GTF2B: variants seen among roughly 807,000 people sequenced by gnomAD.
GTF2B encodes the protein transcription initiation factor IIB.
A neutral mutation model predicts 34.6 loss-of-function variants in GTF2B; 20 were observed. That is an observed-to-expected ratio of 0.58 (90% CI 0.41 to 0.84). The LOEUF is 0.84. Among genes scored for constraint, GTF2B ranks in the 40% least tolerant of loss-of-function variants. The probability of loss-of-function intolerance (pLI) is 0.00; values close to 1 mark genes in which losing one functional copy is unlikely to be tolerated. For missense variants in GTF2B, 237 were observed against 393.3 expected, an observed-to-expected ratio of 0.60 and a Z score of 3.36; for synonymous variants, 142 against 132.4, an observed-to-expected ratio of 1.07 and a Z score of -0.50.
At chr1:88,888,233 T>C (rs887969436) in intron 1 of GTF2B, among the ~76,000 whole-genome samples, 2 of 152,218 alleles carry the variant, frequency 1.3e-5, no homozygotes, top group African/African-American at 2.4e-5. Flanking sequence ...ACTGTTCTTA[T>C]AGTATGTAAA....
chr1:88,859,078 G>A (rs2100963397), intron 5 of GTF2B, among the ~76,000 whole-genome samples: 1 of 152,110 alleles, frequency 6.6e-6, no homozygotes, highest in East Asian at 1.9e-4. Flanking sequence ...ATATTGGCCA[G>A]GCTGGTCTTG....
chr1:88,860,299 T>A lies in GTF2B; in HGVS notation c.259-13A>T. 6.3e-7 allele frequency: 1 copy of A among 1,583,282 alleles called. No homozygotes were observed. Among genetic ancestry groups the A allele is most frequent in the Non-Finnish European group, 8.6e-7 (1 of 1,169,468 alleles). On this transcript the variant is annotated splice_polypyrimidine_tract_variant and intron_variant, in intron 3 of 6. Coordinates refer to ENST00000370500, the MANE Select transcript of GTF2B (RefSeq NM_001514.6). ...CAGCTCCTGTGCCCTATAAAACAGT[T>A]TTATAACTATGAAAAAATTTTTTGG... is the stretch of plus-strand genomic sequence containing the variant.
chr1:88,876,937 A>G (rs1469671988), intron 2 of GTF2B, among the ~76,000 whole-genome samples: 1 of 152,228 alleles, frequency 6.6e-6, no homozygotes, highest in Non-Finnish European at 1.5e-5. Context: ...CAATGGAGAC[A>G]CACAATTATA....
intron 1 of GTF2B, among the ~76,000 whole-genome samples, chr1:88,890,228 T>G (rs2100983560): frequency 6.6e-6 from 1 of 151,140 alleles, no homozygotes; most frequent in South Asian, 2.1e-4. Context: ...GTTTTCCATT[T>G]ACCTACAAGG....
intron 2 of GTF2B, among the ~76,000 whole-genome samples, chr1:88,876,370 C>T (rs1015811097): frequency 2.6e-5 from 4 of 151,898 alleles, no homozygotes; most frequent in African/African-American, 9.7e-5. Context: ...TCTTTTTCTA[C>T]AAGGTTAAAA....
At chr1:88,855,232 T>C (rs1292110376) in intron 6 of GTF2B, among the ~76,000 whole-genome samples, 1 of 152,254 alleles carries the variant, frequency 6.6e-6, no homozygotes, top group Non-Finnish European at 1.5e-5. Flanking sequence ...AAATAACTAA[T>C]GATTGGCTTT....
chr1:88,857,445 C>T lies in GTF2B; in HGVS notation c.578G>A (p.Arg193Gln). The part of the protein sequence containing the change: ...VSRISKKEIG[R>Q]CFKLILKALE... ...CGCTTTCAAAATAAGTTTAAAACAC[C>T]GACCAATTTCTTTCTTAGAAATTCG... is the stretch of plus-strand genomic sequence containing the variant. The change falls in exon 6 of 7, where the codon CGG (arginine) becomes CAG (glutamine). Residue 193 changes from arginine to glutamine, a missense_variant. Arg to Gln is a conservative substitution (Grantham distance 43). Coordinates refer to ENST00000370500, the MANE Select transcript of GTF2B (RefSeq NM_001514.6). The T allele has an allele frequency of 6.2e-7, 1 of 1,603,018 alleles. No homozygotes were observed. Among genetic ancestry groups the T allele is most frequent in the Non-Finnish European group, 8.5e-7 (1 of 1,170,810 alleles).
chr1:88,868,881 G>A (rs1336401384), intron 2 of GTF2B, among the ~76,000 whole-genome samples: 2 of 151,944 alleles, frequency 1.3e-5, no homozygotes, highest in African/African-American at 2.4e-5. Flanking sequence ...GACTACAGGC[G>A]CCCACCACAA....
intron 3 of GTF2B, among the ~76,000 whole-genome samples, chr1:88,861,465 G>A (rs1199622660): frequency 6.6e-6 from 1 of 152,216 alleles, no homozygotes; most frequent in African/African-American, 2.4e-5. Context: ...GGGAGTGTGA[G>A]ACCAGCCTGA....
At position 88,891,565 on chromosome 1, in the gene GTF2B, G is replaced by C; in HGVS notation, c.-66C>G. ...CACACCGAAAGCAGGAAGCGAATGT[G>C]GCGAAGAGACGCGCAGAGATGAGTT... On this transcript the variant is annotated 5_prime_UTR_variant, in exon 1 of 7. Transcript: ENST00000370500. The C allele has an allele frequency of 6.9e-7, 1 of 1,446,542 alleles. No individual in the cohort carries two copies. Among genetic ancestry groups the C allele is most frequent in the South Asian group, 1.2e-5 (1 of 82,960 alleles). The allele number at this position is 1,446,542 out of a possible 1,614,324, so 89.6% of individuals were successfully genotyped here.
At chr1:88,861,435 C>T (rs1183612246) in intron 3 of GTF2B, among the ~76,000 whole-genome samples, 4 of 152,230 alleles carry the variant, frequency 2.6e-5, no homozygotes, top group Non-Finnish European at 1.5e-5. Context: ...GAGGCTGAGG[C>T]AGGCGGATCA....
At chr1:88,879,188 A>C (rs1477170693) in intron 2 of GTF2B, among the ~76,000 whole-genome samples, 1 of 152,124 alleles carries the variant, frequency 6.6e-6, no homozygotes, top group Non-Finnish European at 1.5e-5. Context: ...ACAGACAATG[A>C]GATAAATGTT....
rs1424541835 is a variant in GTF2B at position 88,864,173 on chromosome 1, C to T, written c.125-59G>A. The T allele has an allele frequency of 6.6e-6, 10 of 1,514,586 alleles. No homozygotes were observed. The African/African-American group carries it at 9.6e-5, about 15-fold the overall frequency. The allele number at this position is 1,514,586 out of a possible 1,614,324, so 93.8% of individuals were successfully genotyped here. ...TCAAGATAGGGTTTACTTAACTACA[C>T]TGTCCAATGCCCAACTAAGCCATTT... On this transcript the variant is annotated intron_variant, in intron 2 of 6. Transcript: ENST00000370500.
chr1:88,865,815 G>GGGTA (rs1417657200), intron 2 of GTF2B, among the ~76,000 whole-genome samples: 3 of 151,524 alleles, frequency 2.0e-5, no homozygotes, highest in East Asian at 3.9e-4. Context: ...CGCAACAAGA[G>GGGTA]GGTAACAAGA....
chr1:88,864,579 G>A (rs1673507914), intron 2 of GTF2B, among the ~76,000 whole-genome samples: 1 of 152,194 alleles, frequency 6.6e-6, no homozygotes, highest in Non-Finnish European at 1.5e-5. Flanking sequence ...CTGTTTCAAA[G>A]TAACAATCTG....
At chr1:88,874,303 A>C (rs2100973642) in intron 2 of GTF2B, among the ~76,000 whole-genome samples, 1 of 152,052 alleles carries the variant, frequency 6.6e-6, no homozygotes, top group East Asian at 1.9e-4. Context: ...AATTTAATAA[A>C]GGAATTTAAA....
chr1:88,866,338 A>G (rs1673559545), intron 2 of GTF2B, among the ~76,000 whole-genome samples: 1 of 152,216 alleles, frequency 6.6e-6, no homozygotes, highest in Admixed American at 6.5e-5. Flanking sequence ...TAGGTGAGGG[A>G]GACCCTGTCT....
intron 3 of GTF2B, among the ~76,000 whole-genome samples, chr1:88,861,747 A>T (rs1312245867): frequency 6.6e-6 from 1 of 152,166 alleles, no homozygotes; most frequent in Non-Finnish European, 1.5e-5. Flanking sequence ...CAGGAGGGTT[A>T]CCTAAGCCTG....
chr1:88,889,978 T>C (rs377239871), intron 1 of GTF2B, among the ~76,000 whole-genome samples: 3 of 152,306 alleles, frequency 2.0e-5, no homozygotes, highest in East Asian at 3.9e-4. Context: ...AGGTCATGGC[T>C]GCAGTGAGCC....
Sources: gnomAD v4.1 joint callset for allele counts (sites outside exome capture counted in the v4.1 genomes callset) on GRCh38, gnomAD v4.1.1 for gene constraint, MANE v1.5 for transcripts, NCBI Gene and HGNC (gene_info 2026-07-23, HGNC 2026-07-21) for gene names.